CCDC91: variants seen among roughly 807,000 people sequenced by gnomAD.
CCDC91 encodes the protein coiled-coil domain-containing protein 91.
CCDC91 carries 48 observed loss-of-function variants against 63.2 expected under a neutral mutation model. The observed-to-expected ratio is 0.76, with a 90% CI of 0.60 to 0.97. CCDC91 has a LOEUF of 0.97. CCDC91 is among the 50% of genes least tolerant of loss of function. The pLI, the probability that CCDC91 is intolerant of heterozygous loss-of-function variation, is 0.00. For missense variants in CCDC91, 500 were observed against 494.6 expected (o/e 1.01, Z -0.10); for synonymous variants, 167 against 165.8 (o/e 1.01, Z -0.06).
chr12:28,284,276 A>T (rs1948778733), intron 3 of CCDC91, among the ~76,000 whole-genome samples: 1 of 152,160 alleles, frequency 6.6e-6, no homozygotes, highest in Non-Finnish European at 1.5e-5. Flanking sequence ...TCTAATGCAA[A>T]TTAGGCTTTC....
intron 6 of CCDC91, among the ~76,000 whole-genome samples, chr12:28,347,778 A>G (rs891817215): frequency 3.0e-4 from 46 of 152,346 alleles, no homozygotes; most frequent in African/African-American, 9.9e-4. Flanking sequence ...AGATATTTTT[A>G]AAAAGTGATT....
At position 28,377,469 on chromosome 12, in the gene CCDC91, C is replaced by T. The variant is rs552969745; in HGVS notation, c.655-13835C>T. On this transcript the variant is annotated intron_variant, in intron 7 of 12. Coordinates refer to ENST00000536442, the MANE Select transcript of CCDC91 (RefSeq NM_018318.5). ...ATGTAGTTTGTTTTAATATTTTATG[C>T]ACACACCAGATAAATTATAACTGTA... Among the ~76,000 whole-genome samples, 24 of 151,862 alleles carry T rather than the reference C, an allele frequency of 1.6e-4. No individual in the cohort carries two copies. In the South Asian group the frequency reaches 3.9e-3, roughly 25 times the overall value.
At position 28,413,010 on chromosome 12, in the gene CCDC91, C is replaced by T. The variant is rs1263146135; in HGVS notation, c.762+21599C>T. 2.2e-5 allele frequency: 4 copies of T among 184,630 alleles called. No individual in the cohort carries two copies. The East Asian group carries it at 6.8e-4, about 31-fold the overall frequency. 11.4% of individuals were successfully genotyped at this position (184,630 alleles called of 1,614,324 possible). On this transcript the variant is annotated intron_variant, in intron 8 of 12. Transcript: ENST00000536442. ...TACCAGTGGAATCTATATTAATAGG[C>T]TTTACTAACTGGCTTTTATCTGCCA...
chr12:28,456,903 C>T (rs1448889663), intron 11 of CCDC91, among the ~76,000 whole-genome samples: 1 of 151,864 alleles, frequency 6.6e-6, no homozygotes, highest in South Asian at 2.1e-4. Flanking sequence ...TATTTAAAGC[C>T]AAATAAATAA....
intron 1 of CCDC91, among the ~76,000 whole-genome samples, chr12:28,231,294 G>A (rs1169076952): frequency 6.6e-6 from 1 of 152,156 alleles, no homozygotes; most frequent in Non-Finnish European, 1.5e-5. Flanking sequence ...ACTTTCCATA[G>A]GTTCCAAACT....
chr12:28,452,120 G>T (rs1949834623), intron 10 of CCDC91, among the ~76,000 whole-genome samples: 1 of 150,592 alleles, frequency 6.6e-6, no homozygotes, highest in Non-Finnish European at 1.5e-5. Flanking sequence ...ATTTTTTCTT[G>T]AATTTCTAAT....
At chr12:28,328,216 G>A (rs1448790380) in intron 6 of CCDC91, among the ~76,000 whole-genome samples, 1 of 151,988 alleles carries the variant, frequency 6.6e-6, no homozygotes, top group Non-Finnish European at 1.5e-5. Context: ...TTTCACCTTC[G>A]ATTTCCACAT....
intron 6 of CCDC91, among the ~76,000 whole-genome samples, chr12:28,350,755 G>A (rs997372757): frequency 6.6e-6 from 1 of 152,138 alleles, no homozygotes; most frequent in Non-Finnish European, 1.5e-5. Flanking sequence ...CTCATGGCAC[G>A]TGACATTTAC....
chr12:28,209,303 A>T (rs1386514168), intron 1 of CCDC91, among the ~76,000 whole-genome samples: 1 of 152,250 alleles, frequency 6.6e-6, no homozygotes, highest in African/African-American at 2.4e-5. Flanking sequence ...AGAGAAGGTT[A>T]GTGCTTTAAG....
At chr12:28,326,400 T>A (rs1246615951) in intron 6 of CCDC91, among the ~76,000 whole-genome samples, 4 of 151,430 alleles carry the variant, frequency 2.6e-5, no homozygotes, top group African/African-American at 9.7e-5. Context: ...TGTTTTTTTT[T>A]AAATTTATTA....
At chr12:28,378,919 G>A (rs1945110455) in intron 7 of CCDC91, among the ~76,000 whole-genome samples, 4 of 151,924 alleles carry the variant, frequency 2.6e-5, no homozygotes, top group Non-Finnish European at 5.9e-5. Context: ...GTGTTTCCTG[G>A]GCTTAGCCAG....
At chr12:28,358,946 A>G (rs1233332423) in intron 6 of CCDC91, among the ~76,000 whole-genome samples, 1 of 152,122 alleles carries the variant, frequency 6.6e-6, no homozygotes, top group Non-Finnish European at 1.5e-5. Context: ...CCCAGGCTGG[A>G]GTGCAGTGGC....
At chr12:28,441,944 T>A (rs908472550) in intron 8 of CCDC91, among the ~76,000 whole-genome samples, 9 of 152,044 alleles carry the variant, frequency 5.9e-5, no homozygotes, top group African/African-American at 2.2e-4. Flanking sequence ...TTTTCATATA[T>A]GTAAAATCTA....
rs540407157 is a variant in CCDC91 at position 28,481,035 on chromosome 12, A to G, written c.1102-3017A>G. 1.1e-4 allele frequency among the ~76,000 whole-genome samples: 17 copies of G among 152,170 alleles called. No individual in the cohort carries two copies. The South Asian group carries it at 3.3e-3, about 30-fold the overall frequency. On this transcript the variant is annotated intron_variant, in intron 11 of 12. Transcript: ENST00000536442. ...CCCTGAATGACATTCAACATGACCT[A>G]TTTAATCATAACAGTATAAAAACTG... is the stretch of plus-strand genomic sequence containing the variant.
Position 28,382,655 on chromosome 12 carries a change from G to A in CCDC91, c.655-8649G>A, listed in dbSNP as rs866683218. Among the ~76,000 whole-genome samples, 10 of 152,102 alleles carry A rather than the reference G, an allele frequency of 6.6e-5. 1 individual carries two copies. The South Asian group carries it at 1.2e-3, about 19-fold the overall frequency. ...CCACATCATTTAAGGCTTGATTCAG[G>A]GCTCTTTTCAAGAGTATACCGCCTC... On this transcript the variant is annotated intron_variant, in intron 7 of 12. Coordinates refer to ENST00000536442, the MANE Select transcript of CCDC91 (RefSeq NM_018318.5).
At chr12:28,359,789 C>CTTTTTTTTTTTTT (rs1565853581) in intron 6 of CCDC91, among the ~76,000 whole-genome samples, 1 of 150,518 alleles carries the variant, frequency 6.6e-6, no homozygotes, top group African/African-American at 2.5e-5. Flanking sequence ...TTTCTATTTA[C>CTTTTTTTTTTTTT]TTTTAAAATC....
chr12:28,267,921 TATAA>T (rs1947437244), intron 3 of CCDC91, among the ~76,000 whole-genome samples: 1 of 64,306 alleles, frequency 1.6e-5, no homozygotes, highest in South Asian at 4.0e-4. Context: ...ATATAATTAT[TATAA>T]TTATATATAA....
intron 3 of CCDC91, among the ~76,000 whole-genome samples, chr12:28,281,248 AGAGAAGCAGACCCAGTAG>A (rs1241174659): frequency 6.6e-6 from 1 of 152,210 alleles, no homozygotes; most frequent in Non-Finnish European, 1.5e-5. Flanking sequence ...TGGTTCAACC[AGAGAAGCAGACCCAGTAG>A]GAGATACATG....
chr12:28,305,808 T>C lies in CCDC91; in HGVS notation c.267+2T>C. On this transcript the variant is annotated splice_donor_variant, in intron 4 of 12. Coordinates refer to ENST00000536442, the MANE Select transcript of CCDC91 (RefSeq NM_018318.5). LOFTEE classifies it high-confidence loss of function. ...AGTCAAACTATTCCAAAAGCACAGGTAAAGACAAACATATTTTTAAAGGAG... is the reference window on the plus strand; with the variant it reads ...AGTCAAACTATTCCAAAAGCACAGGCAAAGACAAACATATTTTTAAAGGAG... The C allele has an allele frequency of 6.2e-7, 1 of 1,606,282 alleles. No individual in the cohort carries two copies. The highest frequency in any genetic ancestry group is 8.5e-7 in the Non-Finnish European group (1 of 1,176,620).
Sources: allele counts gnomAD v4.1 joint callset (sites outside exome capture counted in the v4.1 genomes callset), GRCh38; gene constraint gnomAD v4.1.1; transcripts MANE v1.5; gene names NCBI Gene and HGNC (gene_info 2026-07-23, HGNC 2026-07-21).